CDH18: variants seen among roughly 807,000 people sequenced by gnomAD.
The protein encoded by CDH18 is cadherin-18.
In CDH18, 31 loss-of-function variants were observed where a neutral mutation model predicts 67.9. The observed-to-expected ratio is 0.46, with a 90% CI of 0.34 to 0.62. The LOEUF (loss-of-function observed/expected upper bound fraction) is 0.62, where lower values mean the gene tolerates loss of function less well. CDH18 is among the 20% of genes least tolerant of loss of function. The probability of loss-of-function intolerance (pLI) is 0.01; values close to 1 mark genes in which losing one functional copy is unlikely to be tolerated. For synonymous variants in CDH18, 362 were observed against 347.2 expected, an observed-to-expected ratio of 1.04 and a Z score of -0.48; for missense variants, 890 against 975.5, an observed-to-expected ratio of 0.91 and a Z score of 1.17.
intron 2 of CDH18, among the ~76,000 whole-genome samples, chr5:20,195,358 C>G (rs919172142): frequency 1.3e-5 from 2 of 152,004 alleles, no homozygotes; most frequent in African/African-American, 4.8e-5. Flanking sequence ...TCTAACCCAG[C>G]TAATATGGGT....
At chr5:20,122,708 A>G (rs1748463578) in intron 2 of CDH18, among the ~76,000 whole-genome samples, 1 of 151,430 alleles carries the variant, frequency 6.6e-6, no homozygotes, top group African/African-American at 2.4e-5. Context: ...AAATGAGAAT[A>G]CATATGAAGT....
intron 9 of CDH18, among the ~76,000 whole-genome samples, chr5:19,522,019 A>AC (rs1343940588): frequency 6.6e-6 from 1 of 152,138 alleles, no homozygotes; most frequent in Non-Finnish European, 1.5e-5. Flanking sequence ...AACACACTCC[A>AC]CTGAGTTGTT....
intron 9 of CDH18, among the ~76,000 whole-genome samples, chr5:19,539,657 C>CAAAGG (rs71311188): frequency 0.35 from 53,195 of 151,534 alleles, 9,660 homozygotes; most frequent in African/African-American, 0.44. Context: ...TGGCAGAAGG[C>CAAAGG]AAAGGAGAAG....
In CDH18 at chr5:20,534,807, TGTTA is replaced by T. The variant is rs541137088; in HGVS notation, c.-580+40651_-580+40654del. Among the ~76,000 whole-genome samples the T allele has an allele frequency of 1.1e-4, 16 of 148,892 alleles. 1 individual carries two copies. Among genetic ancestry groups the T allele is most frequent in the Admixed American group, 3.4e-4 (5 of 14,594 alleles). On this transcript the variant is annotated intron_variant, in intron 1 of 14. Coordinates refer to the CDH18 transcript ENST00000507958. The stretch of plus-strand genomic sequence containing the variant: ...TCCTTGATTACTGACTTCTGAACTC[TGTTA>T]GTTTATTCTAAATACATGTATTTAT...
At chr5:20,099,458 T>TA (rs1362545910) in intron 2 of CDH18, among the ~76,000 whole-genome samples, 1 of 152,218 alleles carries the variant, frequency 6.6e-6, no homozygotes, top group Non-Finnish European at 1.5e-5. Context: ...TAACCCTTGA[T>TA]AAGGAGATAT....
intron 2 of CDH18, among the ~76,000 whole-genome samples, chr5:20,056,478 G>GTTTTTTTTTTTTTTTTTT (rs58415003): frequency 6.1e-5 from 1 of 16,288 alleles, no homozygotes; most frequent in Non-Finnish European, 1.3e-4. Context: ...TCTTTCTTTT[G>GTTTTTTTTTTTTTTTTTT]TTTTTTTTTT....
intron 3 of CDH18, among the ~76,000 whole-genome samples, chr5:19,800,518 A>T (rs1319713965): frequency 6.6e-6 from 1 of 152,160 alleles, no homozygotes; most frequent in Admixed American, 6.5e-5. Context: ...CATCCAAAAA[A>T]ATGGAAAGTA....
intron 2 of CDH18, among the ~76,000 whole-genome samples, chr5:19,957,455 TA>T (rs1267525086): frequency 2.5e-4 from 38 of 151,844 alleles, no homozygotes; most frequent in Non-Finnish European, 7.4e-5. Context: ...TAGGTACATA[TA>T]AGGGTATATT....
At chr5:19,495,775 T>C (rs1200466033) in intron 11 of CDH18, among the ~76,000 whole-genome samples, 3 of 144,772 alleles carry the variant, frequency 2.1e-5, no homozygotes, top group East Asian at 4.0e-4. Context: ...TCTCCACTTA[T>C]GGGCAGCAGA....
chr5:19,859,989 G>GGTATGTGT (rs1554052082), intron 2 of CDH18, among the ~76,000 whole-genome samples: 1 of 143,148 alleles, frequency 7.0e-6, no homozygotes, highest in African/African-American at 2.6e-5. Flanking sequence ...GTTTGCTTTG[G>GGTATGTGT]GTGTGTGTGT....
chr5:19,959,846 C>T (rs1796616912), intron 2 of CDH18, among the ~76,000 whole-genome samples: 1 of 152,074 alleles, frequency 6.6e-6, no homozygotes, highest in Non-Finnish European at 1.5e-5. Flanking sequence ...TATGATATAG[C>T]CTATTGCTCC....
In CDH18 at chr5:20,221,263, T is replaced by C. The variant is rs1012951281; in HGVS notation, c.-518+34181A>G. 3.9e-5 allele frequency among the ~76,000 whole-genome samples: 6 copies of C among 152,082 alleles called. No individual in the cohort carries two copies. In the East Asian group the frequency reaches 9.6e-4, roughly 24 times the overall value. ...AAATATGTGGTACCTATATACACAA[T>C]GGAGCATTATTCAGCCGTAAAAATG... On this transcript the variant is annotated intron_variant, in intron 2 of 14. Coordinates refer to the CDH18 transcript ENST00000507958.
intron 1 of CDH18, among the ~76,000 whole-genome samples, chr5:20,504,934 A>T (rs1413046983): frequency 6.6e-6 from 1 of 151,718 alleles, no homozygotes; most frequent in Non-Finnish European, 1.5e-5. Flanking sequence ...CGCCCGGCTA[A>T]TTTTTTGTAT....
intron 1 of CDH18, among the ~76,000 whole-genome samples, chr5:20,355,173 T>C (rs925854184): frequency 1.2e-4 from 19 of 152,188 alleles, no homozygotes; most frequent in African/African-American, 4.6e-4. Flanking sequence ...GCCCTGCATA[T>C]CTAACTGCCT....
At chr5:19,908,741 G>C (rs1215380488) in intron 2 of CDH18, among the ~76,000 whole-genome samples, 9 of 152,172 alleles carry the variant, frequency 5.9e-5, no homozygotes, top group Admixed American at 5.9e-4. Context: ...CAAGTAAGCA[G>C]TGGTATGAGG....
At chr5:19,723,401 C>CAT (rs1210813054) in intron 4 of CDH18, among the ~76,000 whole-genome samples, 1 of 152,114 alleles carries the variant, frequency 6.6e-6, no homozygotes, top group African/African-American at 2.4e-5. Flanking sequence ...TCCTTATTAG[C>CAT]ATATCATAAA....
chr5:20,271,364 C>T (rs67371726), intron 1 of CDH18, among the ~76,000 whole-genome samples: 17,727 of 151,882 alleles, frequency 0.12, 1,570 homozygotes, highest in African/African-American at 0.24. Flanking sequence ...TATTGCTCTA[C>T]AGGGTGACTA....
chr5:20,500,596 C>G (rs1754196158), intron 1 of CDH18, among the ~76,000 whole-genome samples: 1 of 152,228 alleles, frequency 6.6e-6, no homozygotes, highest in African/African-American at 2.4e-5. Flanking sequence ...AGGCTTAGAT[C>G]TGCTTCGGAC....
rs1752510343 is a variant in CDH18, at chr5:19,632,175, T to G, written c.644-19574A>C. ...AAAAATAAAGAGTACTTTCTGTTTTTTAATTTTGTTCAGAAATGGACATAT... is the reference window on the plus strand; with the variant it reads ...AAAAATAAAGAGTACTTTCTGTTTTGTAATTTTGTTCAGAAATGGACATAT... On this transcript the variant is annotated intron_variant, in intron 5 of 12. Coordinates refer to ENST00000382275, the MANE Select transcript of CDH18 (RefSeq NM_004934.5). Among the ~76,000 whole-genome samples the G allele has an allele frequency of 2.0e-5, 3 of 152,334 alleles. No individual in the cohort carries two copies. In the South Asian group the frequency reaches 6.2e-4, roughly 32 times the overall value.
Sources: gnomAD v4.1 joint callset for allele counts (sites outside exome capture counted in the v4.1 genomes callset) on GRCh38, gnomAD v4.1.1 for gene constraint, MANE v1.5 for transcripts, NCBI Gene and HGNC (gene_info 2026-07-23, HGNC 2026-07-21) for gene names.